Variants in LHX3 observed in about 807,000 individuals in gnomAD.
LHX3 encodes LIM/homeobox protein Lhx3.
Under a neutral mutation model 32.4 loss-of-function variants are expected in LHX3, and 21 were observed. That is an observed-to-expected ratio of 0.65 (90% CI 0.46 to 0.93). The LOEUF (loss-of-function observed/expected upper bound fraction) is 0.93, where lower values mean the gene tolerates loss of function less well. Ranked by LOEUF, LHX3 falls within the 40% of genes least tolerant of loss-of-function variation. The probability of loss-of-function intolerance (pLI) is 0.00; values close to 1 mark genes in which losing one functional copy is unlikely to be tolerated. For synonymous variants in LHX3, 258 were observed against 246.8 expected, an observed-to-expected ratio of 1.05 and a Z score of -0.43; for missense variants, 626 against 560.0, an observed-to-expected ratio of 1.12 and a Z score of -1.19.
At position 136,205,045 on chromosome 9, in the gene LHX3, C is replaced by G; in HGVS notation, c.-33G>C. 2 of 1,543,344 alleles carry G rather than the reference C, an allele frequency of 1.3e-6. No individual in the cohort carries two copies. Among genetic ancestry groups the G allele is most frequent in the Non-Finnish European group, 1.7e-6 (2 of 1,146,258 alleles). ...ACCAGGCCGAGTGGCGCGAGACGCGCTCCTCCTAGGTCAGCGTCCCCTGGA... is the reference window on the plus strand; with the variant it reads ...ACCAGGCCGAGTGGCGCGAGACGCGGTCCTCCTAGGTCAGCGTCCCCTGGA... On this transcript the variant is annotated 5_prime_UTR_variant, in exon 1 of 6. Coordinates refer to ENST00000371748, the MANE Select transcript of LHX3 (RefSeq NM_178138.6).
chr9:136,199,279 C>T (rs1228055694), intron 3 of LHX3, among the ~76,000 whole-genome samples: 1 of 152,048 alleles, frequency 6.6e-6, no homozygotes, highest in African/African-American at 2.4e-5. Context: ...CGGGTTCTGC[C>T]GCGGGGGCGG....
In LHX3 at chr9:136,196,969, G is replaced by A. The variant is rs1003678296; in HGVS notation, c.*356C>T. On this transcript the variant is annotated 3_prime_UTR_variant, in exon 6 of 6. Transcript: ENST00000371748. ...ATTTCTCAGTTTTAGAGATGAAAGC[G>A]TTTTTCCAGCCCTCGGGCTATGCTG... is the stretch of plus-strand genomic sequence containing the variant. The A allele has an allele frequency of 1.4e-5, 5 of 349,466 alleles. No individual in the cohort carries two copies. The highest frequency in any genetic ancestry group is 8.1e-4 in the Middle Eastern group (1 of 1,228). 21.6% of individuals were successfully genotyped at this position (349,466 alleles called of 1,614,324 possible).
At chr9:136,199,982 G>C (rs1451987175) in intron 2 of LHX3, 102 bp from the exon 3 acceptor site, 1 of 1,260,318 alleles carries the variant, frequency 7.9e-7, no homozygotes, top group Non-Finnish European at 1.1e-6. Context: ...GGCGGCCCCG[G>C]AGGAAGGCTC....
chr9:136,198,626 C>G, intron 5 of LHX3, 26 bp downstream of exon 5: 5 of 1,560,270 alleles, frequency 3.2e-6, no homozygotes, highest in African/African-American at 1.4e-5. Context: ...TCGTCCCCCC[C>G]CGAGCTCCGC....
rs753634858 is a variant in LHX3, at chr9:136,198,974, G to A, written c.540C>T (p.Pro180=). ...GCTCGCGCACGTGGCGCGCCGGCTT[G>A]GGCGAGGTGTTGTAAGCGCTCTTCA... ...ETLKSAYNTS[P]KPARHVREQL... is the part of the protein sequence containing the mutation. Residue 180 remains proline, a synonymous_variant, in exon 4 of 6, where the codon CCC becomes CCT. Coordinates refer to ENST00000371748, the MANE Select transcript of LHX3 (RefSeq NM_178138.6). 4 of 1,592,034 alleles carry A rather than the reference G, an allele frequency of 2.5e-6. No homozygotes were observed. The East Asian group carries it at 9.2e-5, about 36-fold the overall frequency.
intron 1 of LHX3, chr9:136,202,880 C>T (rs1831678526): frequency 2.0e-6 from 3 of 1,496,176 alleles, no homozygotes; most frequent in East Asian, 2.5e-5. Context: ...GCCTCCGCGG[C>T]CAGGCCCGGA....
At chr9:136,202,020 C>A (rs1313837686) in intron 1 of LHX3, among the ~76,000 whole-genome samples, 1 of 152,022 alleles carries the variant, frequency 6.6e-6, no homozygotes, top group Non-Finnish European at 1.5e-5. Context: ...CCCAGCCTTA[C>A]GCTGCATGGC....
intron 1 of LHX3, 75 bp downstream of exon 1, chr9:136,204,859 G>A: frequency 1.6e-6 from 2 of 1,227,982 alleles, no homozygotes; most frequent in East Asian, 2.5e-5. Flanking sequence ...CTGGCCGCTG[G>A]CCCTGCACGC....
chr9:136,198,626 C>T, intron 5 of LHX3, 26 bp downstream of exon 5: 2 of 1,560,270 alleles, frequency 1.3e-6, no homozygotes, highest in South Asian at 1.2e-5. Flanking sequence ...TCGTCCCCCC[C>T]CGAGCTCCGC....
chr9:136,202,997 C>T lies in LHX3; in HGVS notation c.79+1937G>A. 1 of 1,525,230 alleles carries T rather than the reference C, an allele frequency of 6.6e-7. No individual in the cohort carries two copies. The highest frequency in any genetic ancestry group is 8.8e-7 in the Non-Finnish European group (1 of 1,142,724). The allele number at this position is 1,525,230 out of a possible 1,614,324, so 94.5% of individuals were successfully genotyped here. A position where few individuals can be genotyped will look rare whatever the true frequency, so the allele number is the denominator to read the frequency against. ...AGCAGTGCTAGCAGCAGGTCGCCTC[C>T]CGCCGACTCCCGGGCCGGGCCCAGC... On this transcript the variant is annotated intron_variant, in intron 1 of 5. Coordinates refer to ENST00000371748, the MANE Select transcript of LHX3 (RefSeq NM_178138.6).
At chr9:136,201,030 G>A in intron 1 of LHX3, 1 of 996,162 alleles carries the variant, frequency 1.0e-6, no homozygotes, top group Non-Finnish European at 1.4e-6. Context: ...CATTTCACGA[G>A]GCTGAATACT....
chr9:136,201,216 C>T (rs951119042), intron 1 of LHX3: 22 of 1,320,898 alleles, frequency 1.7e-5, no homozygotes, highest in Non-Finnish European at 1.6e-5. Flanking sequence ...GTCATGGCCA[C>T]TCTTTCTAGG....
Position 136,197,254 on chromosome 9 carries a change from C to G in LHX3, c.*71G>C. 1.3e-6 allele frequency: 2 copies of G among 1,545,714 alleles called. No homozygotes were observed. Reference sequence around the variant, plus strand: ...GCCCTGGCCCCACTTCCTCGGAAACCCCAGCAGCCCCGAGCCGCCCACCCA... The same window carrying G: ...GCCCTGGCCCCACTTCCTCGGAAACGCCAGCAGCCCCGAGCCGCCCACCCA... On this transcript the variant is annotated 3_prime_UTR_variant, in exon 6 of 6. Transcript: ENST00000371748.
intron 1 of LHX3, 51 bp downstream of exon 1, chr9:136,204,883 C>T (rs376752920): frequency 3.4e-6 from 5 of 1,477,302 alleles, no homozygotes; most frequent in Non-Finnish European, 9.2e-7. Flanking sequence ...CCCTTCCTCG[C>T]GCCTCTGCCG....
chr9:136,199,953 G>A (rs764426457), intron 2 of LHX3, 73 bp from the exon 3 acceptor site: 1 of 1,449,906 alleles, frequency 6.9e-7, no homozygotes, highest in Non-Finnish European at 9.4e-7. Context: ...TTGGAGAGAG[G>A]CAAGCGGCTG....
Position 136,200,565 on chromosome 9 carries a change from G to A in LHX3, c.251+17C>T. ...GTGCCCTCCGCTCCCACACTGAGGT[G>A]AGGTTTCGGGGCTCACTTGAAAAAG... is the stretch of plus-strand genomic sequence containing the variant. On this transcript the variant is annotated intron_variant, in intron 2 of 5. Transcript: ENST00000371748. 6.2e-7 allele frequency: 1 copy of A among 1,612,674 alleles called. No homozygotes were observed. The highest frequency in any genetic ancestry group is 8.5e-7 in the Non-Finnish European group (1 of 1,179,720).
At chr9:136,198,190 G>A in intron 5 of LHX3, among the ~76,000 whole-genome samples, 1 of 152,202 alleles carries the variant, frequency 6.6e-6, no homozygotes, top group Non-Finnish European at 1.5e-5. Flanking sequence ...CCGGTGCCCG[G>A]AGAATGAAAT....
intron 1 of LHX3, chr9:136,203,014 G>C: frequency 1.3e-6 from 2 of 1,523,296 alleles, no homozygotes; most frequent in Non-Finnish European, 1.8e-6. Flanking sequence ...CTCCCGGGCC[G>C]GGCCCAGCTC....
chr9:136,201,834 G>T (rs1458801820), intron 1 of LHX3, among the ~76,000 whole-genome samples: 6 of 152,190 alleles, frequency 3.9e-5, no homozygotes, highest in Admixed American at 3.9e-4. Flanking sequence ...CGCGCCCGGG[G>T]TCCCCATCGT....
Sources: gnomAD v4.1 joint callset for allele counts (sites outside exome capture counted in the v4.1 genomes callset) on GRCh38, gnomAD v4.1.1 for gene constraint, MANE v1.5 for transcripts, NCBI Gene and HGNC (gene_info 2026-07-23, HGNC 2026-07-21) for gene names.